The following TSEN2 variants were observed in gnomAD, a reference collection of about 807,000 sequenced individuals.
The protein encoded by TSEN2 is tRNA-splicing endonuclease subunit Sen2.
In TSEN2, 54 loss-of-function variants were observed where a neutral mutation model predicts 59.2. The observed-to-expected ratio is 0.91, with a 90% CI of 0.73 to 1.14. The LOEUF is 1.14. TSEN2 is among the 50% of genes most tolerant of loss of function. The pLI, the probability that TSEN2 is intolerant of heterozygous loss-of-function variation, is 0.00. For missense variants in TSEN2, 636 were observed against 576.2 expected, an observed-to-expected ratio of 1.10 and a Z score of -1.06; for synonymous variants, 195 against 198.2, an observed-to-expected ratio of 0.98 and a Z score of 0.14.
chr3:12,532,592 G>C, intron 11 of TSEN2, 70 bp from the exon 12 acceptor site: 1 of 1,452,524 alleles, frequency 6.9e-7, no homozygotes, highest in Non-Finnish European at 9.7e-7. Context: ...TAGCTGTGGT[G>C]TCAGCTGTGG....
At chr3:12,530,080 C>T (rs2057368335) in intron 10 of TSEN2, 1 of 1,424,666 alleles carries the variant, frequency 7.0e-7, no homozygotes, top group Non-Finnish European at 9.1e-7. Flanking sequence ...TTATTGTCCC[C>T]TCCCTCCCAA....
In TSEN2 at chr3:12,492,959, G is replaced by C. The variant is rs535499108; in HGVS notation, c.271+742G>C. Among the ~76,000 whole-genome samples the C allele has an allele frequency of 2.0e-5, 3 of 152,048 alleles. No homozygotes were observed. The South Asian group carries it at 6.2e-4, about 32-fold the overall frequency. On this transcript the variant is annotated intron_variant, in intron 3 of 11. Transcript: ENST00000284995. ...CATTCCTCTCTTTCCTCAGTCCCTG[G>C]TAACCTTTATATGTTTTCTGTCTAT...
chr3:12,537,584 A>T (rs1163293677), downstream of TSEN2, among the ~76,000 whole-genome samples: 2 of 152,112 alleles, frequency 1.3e-5, no homozygotes, highest in Non-Finnish European at 2.9e-5. Context: ...CAAAGTATTG[A>T]CCCAGTTTCT....
At chr3:12,523,109 T>C (rs2056780105) in intron 8 of TSEN2, among the ~76,000 whole-genome samples, 1 of 152,116 alleles carries the variant, frequency 6.6e-6, no homozygotes, top group Non-Finnish European at 1.5e-5. Flanking sequence ...TGTGGGTCTA[T>C]CCTCCCTATC....
chr3:12,496,300 C>A (rs1332936536), intron 3 of TSEN2, among the ~76,000 whole-genome samples: 3 of 152,162 alleles, frequency 2.0e-5, no homozygotes, highest in Non-Finnish European at 1.5e-5. Flanking sequence ...CCCTCTAAGC[C>A]CAGCAAGACC....
At chr3:12,516,985 A>G (rs369133889) in intron 7 of TSEN2, among the ~76,000 whole-genome samples, 4 of 152,176 alleles carry the variant, frequency 2.6e-5, no homozygotes, top group African/African-American at 4.8e-5. Context: ...GGCACCTACT[A>G]TGGTAAAAGC....
intron 8 of TSEN2, among the ~76,000 whole-genome samples, chr3:12,520,289 T>C (rs2125171925): frequency 6.6e-6 from 1 of 152,248 alleles, no homozygotes; most frequent in East Asian, 1.9e-4. Context: ...TGAGCCACCA[T>C]GCCGGCCGTA....
At chr3:12,496,663 T>G in intron 4 of TSEN2, 109 bp downstream of exon 4, 1 of 1,103,990 alleles carries the variant, frequency 9.1e-7, no homozygotes, top group Non-Finnish European at 1.4e-6. Flanking sequence ...TTTCTTTCTG[T>G]TTTTGGTAGT....
intron 4 of TSEN2, among the ~76,000 whole-genome samples, chr3:12,501,379 C>T (rs936594932): frequency 5.3e-5 from 8 of 152,186 alleles, no homozygotes; most frequent in African/African-American, 1.9e-4. Flanking sequence ...GCCGTACTGA[C>T]TCTCAGGTAT....
In TSEN2 at chr3:12,539,148, T is replaced by C. The variant is rs529479308; in HGVS notation, c.1261-13T>C. Reference sequence around the variant, plus strand: ...CCATGTGCTTTTTTCTTTTTTTTTTTCTTGTGATGTAGTCTCGCTCTGTCG... The same window carrying C: ...CCATGTGCTTTTTTCTTTTTTTTTTCCTTGTGATGTAGTCTCGCTCTGTCG... On this transcript the variant is annotated splice_polypyrimidine_tract_variant and intron_variant, in intron 10 of 10. Coordinates refer to the TSEN2 transcript ENST00000412698. 120 of 444,374 alleles carry C rather than the reference T, an allele frequency of 2.7e-4. 2 individuals are homozygous for C. The highest frequency in any genetic ancestry group is 1.8e-3 in the South Asian group (113 of 62,826). The allele number at this position is 444,374 out of a possible 1,614,324, so 27.5% of individuals were successfully genotyped here.
At chr3:12,520,220 G>A (rs186500060) in intron 8 of TSEN2, among the ~76,000 whole-genome samples, 3 of 152,122 alleles carry the variant, frequency 2.0e-5, no homozygotes, top group Non-Finnish European at 4.4e-5. Context: ...GGATGGTCTC[G>A]ATCTCCTGAG....
chr3:12,534,968 A>C (rs1476944791), downstream of TSEN2, among the ~76,000 whole-genome samples: 3 of 152,078 alleles, frequency 2.0e-5, no homozygotes, highest in Non-Finnish European at 4.4e-5. Context: ...AGACTCCATT[A>C]AAAAACAAAA....
intron 7 of TSEN2, among the ~76,000 whole-genome samples, chr3:12,518,783 G>A (rs2056374574): frequency 6.7e-6 from 1 of 149,742 alleles, no homozygotes; most frequent in Non-Finnish European, 1.5e-5. Flanking sequence ...GACTAGCTAT[G>A]TATGGCTGGC....
intron 7 of TSEN2, among the ~76,000 whole-genome samples, chr3:12,517,017 G>A (rs557234250): frequency 1.4e-4 from 21 of 152,088 alleles, no homozygotes; most frequent in Non-Finnish European, 2.5e-4. Flanking sequence ...TACTTTACAC[G>A]CAATATTTCC....
chr3:12,508,384 G>A (rs181298564), intron 6 of TSEN2, among the ~76,000 whole-genome samples: 31 of 152,276 alleles, frequency 2.0e-4, no homozygotes, highest in Admixed American at 7.8e-4. Context: ...GGAGCACACC[G>A]TTAAACCTAG....
intron 6 of TSEN2, among the ~76,000 whole-genome samples, chr3:12,511,569 CTTT>C (rs35466636): frequency 4.3e-5 from 6 of 141,094 alleles, no homozygotes; most frequent in Non-Finnish European, 6.1e-5. Context: ...GATAATTATG[CTTT>C]TTTTTTTTTT....
chr3:12,521,871 C>T (rs997229954), intron 8 of TSEN2, among the ~76,000 whole-genome samples: 9 of 151,916 alleles, frequency 5.9e-5, no homozygotes, highest in African/African-American at 1.7e-4. Flanking sequence ...ATTAGCCAGA[C>T]GTGGTGGCAG....
intron 11 of TSEN2, 23 bp from the exon 12 acceptor site, chr3:12,532,639 G>A (rs1333049477): frequency 1.2e-6 from 2 of 1,612,972 alleles, no homozygotes; most frequent in South Asian, 1.1e-5. Context: ...TTAAGAAATG[G>A]TCTTTTTTTT....
intron 8 of TSEN2, among the ~76,000 whole-genome samples, chr3:12,521,680 A>T (rs899805966): frequency 6.6e-6 from 1 of 151,262 alleles, no homozygotes; most frequent in Non-Finnish European, 1.5e-5. Context: ...ACACCACTGC[A>T]CTCCAGCCTG....
Sources: gnomAD v4.1 joint callset for allele counts (sites outside exome capture counted in the v4.1 genomes callset) on GRCh38, gnomAD v4.1.1 for gene constraint, MANE v1.5 for transcripts, NCBI Gene and HGNC (gene_info 2026-07-23, HGNC 2026-07-21) for gene names.